Variants in SHC1 observed in about 807,000 individuals in gnomAD.
SHC1 encodes SHC-transforming protein 1.
Under a neutral mutation model 55.9 loss-of-function variants are expected in SHC1, and 30 were observed. That is an observed-to-expected ratio of 0.54 (90% CI 0.40 to 0.73). The LOEUF is 0.73. SHC1 is among the 30% of genes least tolerant of loss of function. The probability of loss-of-function intolerance (pLI) is 0.00; values close to 1 mark genes in which losing one functional copy is unlikely to be tolerated. For synonymous variants in SHC1, 309 were observed against 306.1 expected (o/e 1.01, Z -0.10); for missense variants, 675 against 777.1 (o/e 0.87, Z 1.56).
intron 2 of SHC1, 51 bp downstream of exon 2, chr1:154,969,327 C>A: frequency 7.7e-7 from 1 of 1,298,178 alleles, no homozygotes; most frequent in African/African-American, 1.5e-5. Context: ...CTCTGTTTCC[C>A]ATGGCCTCAC....
At chr1:154,966,140 C>A (rs1303248479) in intron 9 of SHC1, 22 bp downstream of exon 9, 1 of 1,614,104 alleles carries the variant, frequency 6.2e-7, no homozygotes, top group African/African-American at 1.3e-5. Context: ...CCCAGCTCTG[C>A]CTATCTCGGC....
Position 154,965,599 on chromosome 1 carries a change from T to C in SHC1, c.1570A>G (p.Thr524Ala). ...TTAGGCTGCCCACTCTGCAAGCCAG[T>C]GAGCACATACTGGCCAGGTGTGGTC... ...STTTPGQYVL[T>A]GLQSGQPKHL... The change falls in exon 11 of 12, where the codon ACT (threonine) becomes GCT (alanine). Residue 524 changes from threonine (T) to alanine (A), a missense_variant. Coordinates refer to ENST00000448116, the MANE Select transcript of SHC1 (RefSeq NM_001130040.2). 1 of 1,614,154 alleles carries C rather than the reference T, an allele frequency of 6.2e-7. No homozygotes were observed. Among genetic ancestry groups the C allele is most frequent in the Non-Finnish European group, 8.5e-7 (1 of 1,180,038 alleles).
chr1:154,967,704 C>T lies in SHC1; in HGVS notation c.950G>A (p.Arg317Lys). 4.3e-6 allele frequency: 7 copies of T among 1,613,924 alleles called. No homozygotes were observed. Among genetic ancestry groups the T allele is most frequent in the African/African-American group, 1.3e-5 (1 of 74,952 alleles). ...AFELRFKQYLRNPPKLVTPHD... is the reference protein window; with the variant it reads ...AFELRFKQYLKNPPKLVTPHD... ...AGGGGTGACCAGTTTGGGTGGGTTC[C>T]TGAGGTATTGTTTGAAGCGCAACTC... The change falls in exon 7 of 12, where the codon AGG (arginine) becomes AAG (lysine). Residue 317 changes from arginine to lysine, a missense_variant. This residue lies in a region of SHC1 where 360 missense variants were observed against 371.1 expected (regional missense o/e 0.97). Transcript: ENST00000448116.
chr1:154,970,270 C>G lies in SHC1; in HGVS notation c.257G>C (p.Arg86Thr), dbSNP rs369421765. ...GRPGSKGEPGRAADDGEGIVG... is the reference protein window; with the variant it reads ...GRPGSKGEPGTAADDGEGIVG... ...GATCCCCTCCCCATCATCAGCTGCC[C>G]TTCCTGGCTCCCCCTTAGACCCTGG... The change falls in exon 1 of 12, where the codon AGG becomes ACG. Residue 86 changes from arginine (R) to threonine (T), a missense_variant. Coordinates refer to ENST00000448116, the MANE Select transcript of SHC1 (RefSeq NM_001130040.2). The surrounding 1 kb of genome is among the most constrained non-coding windows in gnomAD (Gnocchi z 5.5). 13 of 1,609,712 alleles carry G rather than the reference C, an allele frequency of 8.1e-6. No individual in the cohort carries two copies. The highest frequency in any genetic ancestry group is 1.1e-5 in the Non-Finnish European group (13 of 1,177,310).
At chr1:154,971,976 G>A (rs1050849510), upstream of SHC1, among the ~76,000 whole-genome samples, 7 of 151,958 alleles carry the variant, frequency 4.6e-5, no homozygotes, top group Admixed American at 1.3e-4. Context: ...TACCGGGCGC[G>A]GTGGCTCACA....
At chr1:154,967,172 AG>A (rs1656099991) in intron 7 of SHC1, among the ~76,000 whole-genome samples, 90 of 87,174 alleles carry the variant, frequency 1.0e-3, no homozygotes, top group African/African-American at 3.9e-3. Context: ...AGCACCATGT[AG>A]GGGGGTGGGG....
At position 154,963,669 on chromosome 1, in the gene SHC1, A is replaced by T. The variant is rs962361243; in HGVS notation, c.*134T>A. On this transcript the variant is annotated 3_prime_UTR_variant, in exon 12 of 12. Transcript: ENST00000448116. ...ACCCTCTCACTCAGCTGGATATGAA[A>T]CCCAGAGTCCATGCTACTCCCAGCT... The T allele has an allele frequency of 3.5e-6, 3 of 862,302 alleles. No homozygotes were observed. The African/African-American group carries it at 5.0e-5, about 14-fold the overall frequency. The allele number at this position is 862,302 out of a possible 1,614,324, so 53.4% of individuals were successfully genotyped here.
intron 4 of SHC1, 24 bp downstream of exon 4, chr1:154,968,471 G>A (rs374236008): frequency 1.6e-5 from 26 of 1,613,354 alleles, no homozygotes; most frequent in Non-Finnish European, 1.7e-5. Context: ...AGTGTTTCTG[G>A]TCCGTCTGCC....
In SHC1 at chr1:154,970,605, C is replaced by T. The variant is rs1435015276; in HGVS notation, c.-79G>A. 9.3e-6 allele frequency: 9 copies of T among 968,230 alleles called. No individual in the cohort carries two copies. Among genetic ancestry groups the T allele is most frequent in the African/African-American group, 8.3e-5 (5 of 60,524 alleles). The allele number at this position is 968,230 out of a possible 1,614,324, so 60.0% of individuals were successfully genotyped here. On this transcript the variant is annotated 5_prime_UTR_variant, in exon 1 of 12. Transcript: ENST00000448116. This position sits in a 1 kb window ranked among gnomAD's most constrained non-coding sequence, Gnocchi z 5.5. Reference sequence around the variant, plus strand: ...CAAGGGGGCCAGGCAGGGGGTATCCCCAGGCCCTTAGCCTGGTTGGACCTC... The same window carrying T: ...CAAGGGGGCCAGGCAGGGGGTATCCTCAGGCCCTTAGCCTGGTTGGACCTC...
Position 154,968,254 on chromosome 1 carries a change from T to C in SHC1, c.754A>G (p.Ile252Val), listed in dbSNP as rs1394250462. The part of the protein sequence containing the change: ...NLMAADCKQI[I>V]ANHHMQSISF... ...ATAGATTGCATGTGGTGGTTGGCGA[T>C]GATCTGAGAATTAGGGCAGGGGATG... is the stretch of plus-strand genomic sequence containing the variant. Residue 252 changes from isoleucine (I) to valine (V), a missense_variant, in exon 5 of 12, where the codon ATC becomes GTC. By Grantham distance (29) the Ile-to-Val change is conservative. Coordinates refer to ENST00000448116, the MANE Select transcript of SHC1 (RefSeq NM_001130040.2). The C allele has an allele frequency of 6.2e-7, 1 of 1,614,044 alleles. No homozygotes were observed. The highest frequency in any genetic ancestry group is 8.5e-7 in the Non-Finnish European group (1 of 1,180,000).
In SHC1 at chr1:154,970,376, C is replaced by T; in HGVS notation, c.151G>A (p.Gly51Arg). ...CACAGGGTAGTGGGACTATCGTCCCCAGGCAGAGGAGGCAGGATGGGCCCC... is the reference window on the plus strand; with the variant it reads ...CACAGGGTAGTGGGACTATCGTCCCTAGGCAGAGGAGGCAGGATGGGCCCC... Reference protein sequence around the residue: ...SLGPILPPLPGDDSPTTLCSF... With the variant: ...SLGPILPPLPRDDSPTTLCSF... The change falls in exon 1 of 12, where the codon GGG becomes AGG. Residue 51 changes from glycine (G) to arginine (R), a missense_variant. Physicochemically the swap from Gly to Arg is moderately radical, Grantham distance 125 (BLOSUM62 -2). Around this residue, in one of 3 missense-constraint regions of SHC1, gnomAD observed 156 missense variants for 159.1 expected, o/e 0.98. Coordinates refer to ENST00000448116, the MANE Select transcript of SHC1 (RefSeq NM_001130040.2). This position sits in a 1 kb window ranked among gnomAD's most constrained non-coding sequence, Gnocchi z 5.5. 1 of 1,603,758 alleles carries T rather than the reference C, an allele frequency of 6.2e-7. No individual in the cohort carries two copies. The highest frequency in any genetic ancestry group is 1.1e-5 in the South Asian group (1 of 89,530).
chr1:154,970,050 C>A lies in SHC1; in HGVS notation c.477G>T (p.Gly159=), dbSNP rs758264496. ...CACTCACCCGAACCAAGTAGGAAAC[C>A]CCGGGTCCCATGACTTTGTCGTTGG... ...LHPNDKVMGP[G]VSYLVRYMGC... is the part of the protein sequence containing the mutation. The change falls in exon 1 of 12, where the codon GGG becomes GGT. Residue 159 remains glycine, a synonymous_variant. Transcript: ENST00000448116. This position sits in a 1 kb window ranked among gnomAD's most constrained non-coding sequence, Gnocchi z 5.5. 8 of 1,613,964 alleles carry A rather than the reference C, an allele frequency of 5.0e-6. No homozygotes were observed. The South Asian group carries it at 7.7e-5, about 16-fold the overall frequency.
rs1655562797 is a variant in SHC1, at chr1:154,963,742, A to G, written c.*61T>C. On this transcript the variant is annotated 3_prime_UTR_variant, in exon 12 of 12. Coordinates refer to ENST00000448116, the MANE Select transcript of SHC1 (RefSeq NM_001130040.2). ...GAACACTCCCAAACGAGGTCCCGAG[A>G]GTTAGGGAATAGGGTGGAAAGGATT... The G allele has an allele frequency of 6.3e-7, 1 of 1,582,676 alleles. No homozygotes were observed. Among genetic ancestry groups the G allele is most frequent in the Non-Finnish European group, 8.7e-7 (1 of 1,155,696 alleles).
chr1:154,965,365 C>G (rs1434313060), intron 11 of SHC1, 178 bp downstream of exon 11: 1 of 1,588,862 alleles, frequency 6.3e-7, no homozygotes, highest in Non-Finnish European at 8.5e-7. Context: ...GAACATAGTT[C>G]AGGCTAAGGG....
At chr1:154,969,929 G>A in intron 1 of SHC1, 103 bp downstream of exon 1, 1 of 1,273,200 alleles carries the variant, frequency 7.9e-7, no homozygotes, top group Non-Finnish European at 1.1e-6. Context: ...CTGAAACGGG[G>A]TTGTTGGGGA....
chr1:154,963,613 G>A lies in SHC1; in HGVS notation c.*190C>T, dbSNP rs1655552808. Reference sequence around the variant, plus strand: ...CTTTGGTGATTAATGTTTGGGGAGAGGCAGGATTCTCACCCAGGCTTTTGA... The same window carrying A: ...CTTTGGTGATTAATGTTTGGGGAGAAGCAGGATTCTCACCCAGGCTTTTGA... On this transcript the variant is annotated 3_prime_UTR_variant, in exon 12 of 12. Coordinates refer to ENST00000448116, the MANE Select transcript of SHC1 (RefSeq NM_001130040.2). 1.7e-6 allele frequency: 1 copy of A among 585,510 alleles called. No individual in the cohort carries two copies. The highest frequency in any genetic ancestry group is 3.0e-5 in the Admixed American group (1 of 33,324). 36.3% of individuals were successfully genotyped at this position (585,510 alleles called of 1,614,324 possible).
chr1:154,965,954 A>G lies in SHC1; in HGVS notation c.1379T>C (p.Phe460Ser). The G allele has an allele frequency of 1.2e-6, 2 of 1,610,754 alleles. No homozygotes were observed. The highest frequency in any genetic ancestry group is 8.5e-7 in the Non-Finnish European group (1 of 1,177,616). ...GAGAGACGAGCACTCACTCATGTCA[A>G]ACAGGTCCCGGGGTGCACTGCCATT... ...AINGSAPRDL[F>S]DMKPFEDALR... The change falls in exon 10 of 12, where the codon TTT becomes TCT. Residue 460 changes from phenylalanine to serine, a missense_variant. Coordinates refer to ENST00000448116, the MANE Select transcript of SHC1 (RefSeq NM_001130040.2).
At position 154,965,640 on chromosome 1, in the gene SHC1, A is replaced by C; in HGVS notation, c.1529T>G (p.Leu510Arg). Reference protein sequence around the residue: ...EALLQLNGDFLVRESTTTPGQ... With the variant: ...EALLQLNGDFRVRESTTTPGQ... ...AGGTGTGGTCGTGCTCTCCCGTACC[A>C]GGAAGTCCCCATTGAGCTGCAGCAG... Residue 510 changes from leucine to arginine, a missense_variant, in exon 11 of 12, where the codon CTG becomes CGG. Leu to Arg is a moderately radical substitution (Grantham distance 102). Around this residue, in one of 3 missense-constraint regions of SHC1, gnomAD observed 360 missense variants for 371.1 expected, o/e 0.97. Coordinates refer to ENST00000448116, the MANE Select transcript of SHC1 (RefSeq NM_001130040.2). 6.2e-7 allele frequency: 1 copy of C among 1,614,148 alleles called. No individual in the cohort carries two copies. The highest frequency in any genetic ancestry group is 8.5e-7 in the Non-Finnish European group (1 of 1,180,026).
At position 154,963,771 on chromosome 1, in the gene SHC1, G is replaced by C. The variant is rs765052002; in HGVS notation, c.*32C>G. 30 of 1,610,550 alleles carry C rather than the reference G, an allele frequency of 1.9e-5. No individual in the cohort carries two copies. Among genetic ancestry groups the C allele is most frequent in the Non-Finnish European group, 2.1e-5 (25 of 1,178,318 alleles). On this transcript the variant is annotated 3_prime_UTR_variant, in exon 12 of 12. Transcript: ENST00000448116. ...AGGGAATAGGGTGGAAAGGATTGGA[G>C]GGCATCTTCTGGAAGAGAGCGCTAG...
Sources: gnomAD v4.1 joint callset for allele counts (sites outside exome capture counted in the v4.1 genomes callset) on GRCh38, gnomAD v4.1.1 for gene constraint, gnomAD v4.1.1 regional missense constraint, Gnocchi (gnomAD v3.1) non-coding constraint, MANE v1.5 for transcripts, NCBI Gene and HGNC (gene_info 2026-07-23, HGNC 2026-07-21) for gene names.